Variants in MEF2C observed in about 807,000 individuals in gnomAD.
The protein encoded by MEF2C is myocyte-specific enhancer factor 2C.
In MEF2C, 6 loss-of-function variants were observed where a neutral mutation model predicts 50.5. The observed-to-expected ratio is 0.12, with a 90% CI of 0.07 to 0.23. The LOEUF (loss-of-function observed/expected upper bound fraction) is 0.23, where lower values mean the gene tolerates loss of function less well. Among genes scored for constraint, MEF2C ranks in the 10% least tolerant of loss-of-function variants. The probability of loss-of-function intolerance (pLI) is 1.00; values close to 1 mark genes in which losing one functional copy is unlikely to be tolerated. For synonymous variants in MEF2C, 183 were observed against 228.0 expected (o/e 0.80, Z 1.78); for missense variants, 276 against 605.0 (o/e 0.46, Z 5.70).
At chr5:88,815,568 T>A (rs1804921897) in intron 2 of MEF2C, among the ~76,000 whole-genome samples, 1 of 152,130 alleles carries the variant, frequency 6.6e-6, no homozygotes, top group Non-Finnish European at 1.5e-5. Context: ...ACATTACATA[T>A]TATCAATTTT....
chr5:88,783,532 C>G (rs1261692954), intron 3 of MEF2C, among the ~76,000 whole-genome samples: 1 of 152,058 alleles, frequency 6.6e-6, no homozygotes, highest in Non-Finnish European at 1.5e-5. Flanking sequence ...ACTCGGGAGG[C>G]TGAGGAAGAA....
intron 1 of MEF2C, among the ~76,000 whole-genome samples, chr5:88,889,672 C>T (rs1221578782): frequency 1.3e-5 from 2 of 151,904 alleles, no homozygotes; most frequent in East Asian, 1.9e-4. Context: ...GGAAAAGCGT[C>T]CGGTGGTTTG....
At chr5:88,771,663 A>G in intron 3 of MEF2C, 1 of 952,668 alleles carries the variant, frequency 1.0e-6, no homozygotes, top group Non-Finnish European at 1.2e-6. Context: ...TGGATAAATG[A>G]ATAAGCAAAC....
intron 1 of MEF2C, among the ~76,000 whole-genome samples, chr5:88,850,856 G>A (rs1037971466): frequency 6.6e-6 from 1 of 151,612 alleles, no homozygotes; most frequent in Non-Finnish European, 1.5e-5. Context: ...TCTACCACCC[G>A]AGACAGCAAG....
chr5:88,777,899 CTTTT>C (rs57841792), intron 3 of MEF2C, among the ~76,000 whole-genome samples: 1 of 77,320 alleles, frequency 1.3e-5, no homozygotes, highest in Non-Finnish European at 2.3e-5. Context: ...TTTTTCTTTT[CTTTT>C]TTTTTTTTTT....
At chr5:88,730,081 G>T (rs1760795788) in intron 8 of MEF2C, 130 bp downstream of exon 8, 1 of 760,532 alleles carries the variant, frequency 1.3e-6, no homozygotes, top group Non-Finnish European at 1.9e-6. Flanking sequence ...AGAAATTAAT[G>T]GTATTTAAAC....
chr5:88,737,275 C>T, intron 6 of MEF2C: 1 of 985,378 alleles, frequency 1.0e-6, no homozygotes, highest in Non-Finnish European at 1.2e-6. Context: ...TTGAGACAAA[C>T]TGCTTATCTA....
intron 3 of MEF2C, among the ~76,000 whole-genome samples, chr5:88,790,848 G>A (rs1010684647): frequency 4.6e-5 from 7 of 152,080 alleles, no homozygotes; most frequent in African/African-American, 7.2e-5. Context: ...ACAAAGCTTC[G>A]TCATGCCCTT....
intron 2 of MEF2C, among the ~76,000 whole-genome samples, chr5:88,805,823 CTTTT>C (rs869224140): frequency 2.1e-4 from 13 of 61,554 alleles, no homozygotes; most frequent in African/African-American, 5.0e-4. Flanking sequence ...CGTGAACATT[CTTTT>C]TTTTTTTTTT....
chr5:88,875,109 A>G (rs1830667918), intron 1 of MEF2C, among the ~76,000 whole-genome samples: 1 of 152,008 alleles, frequency 6.6e-6, no homozygotes, highest in African/African-American at 2.4e-5. Context: ...ACAAAGTTTT[A>G]CTTTATTTTT....
intron 1 of MEF2C, among the ~76,000 whole-genome samples, chr5:88,898,218 A>T (rs1404253083): frequency 2.6e-5 from 4 of 152,226 alleles, no homozygotes; most frequent in Non-Finnish European, 4.4e-5. Flanking sequence ...AACAAGAAAA[A>T]AAGACATGCC....
chr5:88,826,218 G>A (rs1241381781), intron 1 of MEF2C, among the ~76,000 whole-genome samples: 1 of 151,940 alleles, frequency 6.6e-6, no homozygotes, highest in Admixed American at 6.6e-5. Flanking sequence ...CAAAGAGAAT[G>A]TGTGTATGTA....
At chr5:88,870,260 G>T (rs1177620392) in intron 1 of MEF2C, among the ~76,000 whole-genome samples, 1 of 151,682 alleles carries the variant, frequency 6.6e-6, no homozygotes, top group Non-Finnish European at 1.5e-5. Flanking sequence ...TAAATATTTG[G>T]TCAAAAATAT....
At chr5:88,786,936 TTCAGA>T (rs1325752513) in intron 3 of MEF2C, among the ~76,000 whole-genome samples, 1 of 152,206 alleles carries the variant, frequency 6.6e-6, no homozygotes, top group African/African-American at 2.4e-5. Flanking sequence ...CTTATTATGG[TTCAGA>T]TAATTGGGTA....
chr5:88,733,751 T>C, intron 6 of MEF2C: 1 of 985,242 alleles, frequency 1.0e-6, no homozygotes, highest in African/African-American at 1.7e-5. Context: ...TCAATTGGAT[T>C]ATGAATAAAA....
intron 1 of MEF2C, among the ~76,000 whole-genome samples, chr5:88,853,379 G>A (rs1379083899): frequency 2.0e-5 from 3 of 152,130 alleles, no homozygotes; most frequent in African/African-American, 7.2e-5. Context: ...GGGTAGCCAG[G>A]GAGCTTCCAT....
At chr5:88,760,904 CT>C in intron 4 of MEF2C, 1 of 1,456,972 alleles carries the variant, frequency 6.9e-7, no homozygotes, top group Non-Finnish European at 9.3e-7. Context: ...TCCGAAGAGT[CT>C]TAGAGAAAGC....
rs528203836 is a variant in MEF2C, at chr5:88,745,746, T to C, written c.637+3324A>G. ...AGGTGGACTGCTTGAGACCAGGAGA[T>C]TGAGGCTGCAGTGAGCCTAGATCGT... On this transcript the variant is annotated intron_variant, in intron 6 of 10. Coordinates refer to ENST00000504921, the MANE Select transcript of MEF2C (RefSeq NM_002397.5). 1.6e-4 allele frequency among the ~76,000 whole-genome samples: 25 copies of C among 152,264 alleles called. No homozygotes were observed. In the East Asian group the frequency reaches 3.9e-3, roughly 24 times the overall value.
intron 1 of MEF2C, among the ~76,000 whole-genome samples, chr5:88,852,031 C>A (rs995027517): frequency 1.2e-4 from 18 of 151,992 alleles, no homozygotes; most frequent in Non-Finnish European, 1.9e-4. Context: ...ACTCGAATGA[C>A]CAAAAGTAAT....
Sources: allele counts gnomAD v4.1 joint callset (sites outside exome capture counted in the v4.1 genomes callset), GRCh38; gene constraint gnomAD v4.1.1; transcripts MANE v1.5; gene names NCBI Gene and HGNC (gene_info 2026-07-23, HGNC 2026-07-21).